The following MCUB variants were observed in gnomAD, a reference collection of about 807,000 sequenced individuals.
MCUB encodes the protein calcium uniporter regulatory subunit MCUb, mitochondrial.
In MCUB, 46 loss-of-function variants were observed where a neutral mutation model predicts 41.4. That is an observed-to-expected ratio of 1.11 (90% CI 0.88 to 1.42). The LOEUF (loss-of-function observed/expected upper bound fraction) is 1.42. Ranked by LOEUF, MCUB falls within the 40% of genes most tolerant of loss-of-function variation. The pLI, the probability that MCUB is intolerant of heterozygous loss-of-function variation, is 0.00. For synonymous variants in MCUB, 148 were observed against 148.2 expected (o/e 1.00, Z 0.01); for missense variants, 403 against 404.9 (o/e 1.00, Z 0.04).
chr4:109,606,626 G>A (rs899455867), intron 1 of MCUB, among the ~76,000 whole-genome samples: 2 of 151,998 alleles, frequency 1.3e-5, no homozygotes, highest in Non-Finnish European at 2.9e-5. Context: ...GCATAAACAA[G>A]CAAACTAACA....
intron 1 of MCUB, among the ~76,000 whole-genome samples, chr4:109,604,653 G>A (rs1029420552): frequency 6.6e-6 from 1 of 152,160 alleles, no homozygotes; most frequent in Non-Finnish European, 1.5e-5. Flanking sequence ...CTGTGGGTCT[G>A]TTGTATATGG....
chr4:109,634,664 G>A (rs1276470756), intron 1 of MCUB, among the ~76,000 whole-genome samples: 1 of 152,092 alleles, frequency 6.6e-6, no homozygotes, highest in African/African-American at 2.4e-5. Context: ...AACTTTGTGA[G>A]ATTCAATCAT....
chr4:109,592,463 A>G (rs1489217829), intron 1 of MCUB, among the ~76,000 whole-genome samples: 2 of 152,062 alleles, frequency 1.3e-5, no homozygotes, highest in Non-Finnish European at 2.9e-5. Flanking sequence ...TAACACCTGT[A>G]GATATTTTTA....
chr4:109,614,310 T>G (rs1728080369), intron 1 of MCUB, among the ~76,000 whole-genome samples: 1 of 152,140 alleles, frequency 6.6e-6, no homozygotes, highest in Non-Finnish European at 1.5e-5. Context: ...GAGTGAATGT[T>G]TGTGTCACCA....
At chr4:109,677,802 ATT>A (rs71595506) in intron 4 of MCUB, among the ~76,000 whole-genome samples, 2,808 of 86,594 alleles carry the variant, frequency 0.032, 76 homozygotes, top group African/African-American at 0.12. Flanking sequence ...AAGGAAACAA[ATT>A]TTTTTTTTTT....
chr4:109,666,355 G>T (rs1465731157), intron 4 of MCUB, among the ~76,000 whole-genome samples: 1 of 152,150 alleles, frequency 6.6e-6, no homozygotes, highest in Admixed American at 6.5e-5. Flanking sequence ...AGAGTGTTTA[G>T]TTTTGTGTAA....
chr4:109,651,296 A>G (rs1728955076), intron 1 of MCUB, among the ~76,000 whole-genome samples: 1 of 152,164 alleles, frequency 6.6e-6, no homozygotes, highest in South Asian at 2.1e-4. Flanking sequence ...GGTTCTTTTG[A>G]TAAGTCTTCC....
chr4:109,681,063 C>G (rs1032402829), intron 4 of MCUB, among the ~76,000 whole-genome samples: 1 of 152,156 alleles, frequency 6.6e-6, no homozygotes, highest in African/African-American at 2.4e-5. Flanking sequence ...TCCCTTTACT[C>G]TTAGTTCTTA....
At chr4:109,685,122 C>T (rs1579101161) in intron 6 of MCUB, 129 bp from the exon 7 acceptor site, 3 of 586,890 alleles carry the variant, frequency 5.1e-6, no homozygotes, top group Admixed American at 2.8e-5. Flanking sequence ...CTCTCATGGC[C>T]ATTGCAAATA....
chr4:109,664,942 G>T (rs1172717708), intron 4 of MCUB, among the ~76,000 whole-genome samples: 1 of 72,334 alleles, frequency 1.4e-5, no homozygotes. Flanking sequence ...CTTAACTCTT[G>T]TAAAAAAAAA....
At chr4:109,661,350 G>A (rs2126144879) in intron 3 of MCUB, among the ~76,000 whole-genome samples, 1 of 152,122 alleles carries the variant, frequency 6.6e-6, no homozygotes, top group East Asian at 1.9e-4. Flanking sequence ...AAGTTATTTA[G>A]GTTCATGATT....
intron 1 of MCUB, among the ~76,000 whole-genome samples, chr4:109,597,923 CG>C (rs1488565268): frequency 3.3e-5 from 5 of 149,828 alleles, no homozygotes; most frequent in South Asian, 2.1e-4. Flanking sequence ...GACGGGGTCG[CG>C]GCCGGGCAGA....
At chr4:109,608,836 T>C (rs1727938103) in intron 1 of MCUB, among the ~76,000 whole-genome samples, 1 of 152,182 alleles carries the variant, frequency 6.6e-6, no homozygotes, top group Admixed American at 6.5e-5. Flanking sequence ...CTTTGCAGTA[T>C]GGGCTTGTTT....
Position 109,687,705 on chromosome 4 carries a change from T to G in MCUB, c.*113T>G, listed in dbSNP as rs183845566. ...TGTTTAATCTTTGTTATTAAATTCT[T>G]GTAAAACAGAAGTATTGTTTGAAGT... On this transcript the variant is annotated 3_prime_UTR_variant, in exon 8 of 8. Transcript: ENST00000394650. 1 of 693,174 alleles carries G rather than the reference T, an allele frequency of 1.4e-6. No individual in the cohort carries two copies. The highest frequency in any genetic ancestry group is 2.8e-5 in the Admixed American group (1 of 36,126). The allele number at this position is 693,174 out of a possible 1,614,324, so 42.9% of individuals were successfully genotyped here. A position where few individuals can be genotyped will look rare whatever the true frequency, so the allele number is the denominator to read the frequency against.
chr4:109,676,242 G>GA (rs1729575396), intron 4 of MCUB, among the ~76,000 whole-genome samples: 1 of 152,144 alleles, frequency 6.6e-6, no homozygotes. Flanking sequence ...AATGTTTGTA[G>GA]AAATATCGAT....
At chr4:109,567,087 G>T (rs938816158) in intron 1 of MCUB, among the ~76,000 whole-genome samples, 1 of 136,576 alleles carries the variant, frequency 7.3e-6, no homozygotes, top group East Asian at 2.1e-4. Context: ...AGCCGAGATC[G>T]CATCATTGCA....
chr4:109,602,411 G>A (rs184416378), intron 1 of MCUB, among the ~76,000 whole-genome samples: 4 of 152,306 alleles, frequency 2.6e-5, no homozygotes, highest in Middle Eastern at 3.4e-3. Context: ...TAGGGGTTTA[G>A]TTTCATTCTT....
intron 1 of MCUB, among the ~76,000 whole-genome samples, chr4:109,592,145 G>A (rs771199612): frequency 5.3e-5 from 8 of 152,020 alleles, no homozygotes; most frequent in East Asian, 1.9e-4. Context: ...GGTGACTCAC[G>A]CCTGTAATCC....
chr4:109,645,784 A>G (rs955097626), intron 1 of MCUB, among the ~76,000 whole-genome samples: 2 of 151,954 alleles, frequency 1.3e-5, no homozygotes, highest in African/African-American at 4.8e-5. Flanking sequence ...TCTACCTACC[A>G]TCTCTTCCTT....
Sources: gnomAD v4.1 joint callset for allele counts (sites outside exome capture counted in the v4.1 genomes callset) on GRCh38, gnomAD v4.1.1 for gene constraint, MANE v1.5 for transcripts, NCBI Gene and HGNC (gene_info 2026-07-23, HGNC 2026-07-21) for gene names.